Variants in OR51B5 observed in about 807,000 individuals in gnomAD.
The protein encoded by OR51B5 is olfactory receptor family 51 subfamily B member 5, also known as olfactory receptor 51B5.
For missense variants in OR51B5, 456 were observed against 374.6 expected (o/e 1.22, Z -1.79); for synonymous variants, 186 against 144.8 (o/e 1.28, Z -2.04).
At chr11:5,390,025 G>A in intron 1 of OR51B5, 1 of 1,613,538 alleles carries the variant, frequency 6.2e-7, no homozygotes, top group Non-Finnish European at 8.5e-7. Context: ...TCAATAATCT[G>A]TATGGACTGA....
In OR51B5 at chr11:5,342,970, G is replaced by A. The variant is rs775172979; in HGVS notation, c.555C>T (p.Leu185=). The change falls in exon 1 of 1, where the codon CTC becomes CTT. Residue 185 remains leucine (L), a synonymous_variant. Coordinates refer to ENST00000300773, the Ensembl canonical transcript of OR51B5. Reference sequence around the variant, plus strand: ...GGTTGAAGGTGGTATCAGCACAGGCGAGTTTAATGACATCCTGGTGAAGGC... The same window carrying A: ...GGTTGAAGGTGGTATCAGCACAGGCAAGTTTAATGACATCCTGGTGAAGGC... 45 of 1,613,372 alleles carry A rather than the reference G, an allele frequency of 2.8e-5. No homozygotes were observed. The South Asian group carries it at 3.4e-4, about 12-fold the overall frequency.
intron 1 of OR51B5, among the ~76,000 whole-genome samples, chr11:5,414,400 T>A (rs914652024): frequency 6.8e-6 from 1 of 147,098 alleles, no homozygotes; most frequent in South Asian, 2.3e-4. Context: ...CCAGCTAACA[T>A]CATAATGACA....
At chr11:5,382,043 C>A (rs1289868119) in intron 1 of OR51B5, among the ~76,000 whole-genome samples, 1 of 152,160 alleles carries the variant, frequency 6.6e-6, no homozygotes, top group South Asian at 2.1e-4. Context: ...ATATTGTTAA[C>A]AATGTACTCT....
intron 1 of OR51B5, among the ~76,000 whole-genome samples, chr11:5,497,174 G>A (rs1470015532): frequency 6.6e-6 from 1 of 152,180 alleles, no homozygotes; most frequent in Non-Finnish European, 1.5e-5. Context: ...TGGTAAATGC[G>A]TTGAGTACTT....
chr11:5,482,109 T>C, intron 1 of OR51B5, among the ~76,000 whole-genome samples: 1 of 118,934 alleles, frequency 8.4e-6, no homozygotes, highest in Non-Finnish European at 1.7e-5. Flanking sequence ...CAAACTATAC[T>C]ACAAGGCTAC....
intron 1 of OR51B5, among the ~76,000 whole-genome samples, chr11:5,419,956 G>T (rs779306400): frequency 6.6e-6 from 1 of 150,940 alleles, no homozygotes; most frequent in Non-Finnish European, 1.5e-5. Flanking sequence ...TAGAGCTTAT[G>T]TTTCTATTTA....
intron 1 of OR51B5, chr11:5,440,964 G>A (rs1443676010): frequency 1.2e-6 from 2 of 1,613,836 alleles, no homozygotes; most frequent in Non-Finnish European, 1.7e-6. Flanking sequence ...CATGAGATCT[G>A]GATGGAGACA....
At chr11:5,390,449 T>G (rs1849779140) in intron 1 of OR51B5, 3 of 1,324,502 alleles carry the variant, frequency 2.3e-6, no homozygotes, top group Non-Finnish European at 3.1e-6. Flanking sequence ...TTTGGAGTAT[T>G]GAGTATATAG....
At chr11:5,505,441 A>C in intron 1 of OR51B5, 2 of 1,304,004 alleles carry the variant, frequency 1.5e-6, no homozygotes, top group Non-Finnish European at 2.0e-6. Context: ...TAATCTGGAC[A>C]AAAACTATCC....
At chr11:5,471,291 G>C (rs888597419) in intron 1 of OR51B5, among the ~76,000 whole-genome samples, 2 of 152,130 alleles carry the variant, frequency 1.3e-5, no homozygotes, top group African/African-American at 4.8e-5. Context: ...AGGGCATAGA[G>C]AGCCCTAGAC....
intron 1 of OR51B5, among the ~76,000 whole-genome samples, chr11:5,349,685 G>A (rs955352636): frequency 6.6e-5 from 10 of 152,044 alleles, no homozygotes; most frequent in Admixed American, 1.3e-4. Flanking sequence ...TTGCCATACT[G>A]CTTCTTTAAT....
chr11:5,365,807 A>T (rs1324509867), intron 1 of OR51B5, among the ~76,000 whole-genome samples: 1 of 152,242 alleles, frequency 6.6e-6, no homozygotes, highest in Non-Finnish European at 1.5e-5. Context: ...ATTGTCTAGC[A>T]CATTATAGAT....
At chr11:5,501,834 G>A (rs990496670) in intron 1 of OR51B5, among the ~76,000 whole-genome samples, 41 of 147,718 alleles carry the variant, frequency 2.8e-4, no homozygotes, top group African/African-American at 9.5e-4. Context: ...TGTTACATAG[G>A]TATACATGTT....
At position 5,377,419 on chromosome 11, in the gene OR51B5, C is replaced by T. The variant is rs534791067; in HGVS notation, n.85-30509G>A. On this transcript the variant is annotated intron_variant and non_coding_transcript_variant, in intron 1 of 4. Coordinates refer to the OR51B5 transcript ENST00000415970. ...CTGGCACAAGACAGGGATGCCCTCT[C>T]TCACTACTCCTATTCAACATAGTGT... is the stretch of plus-strand genomic sequence containing the variant. 1.3e-3 allele frequency among the ~76,000 whole-genome samples: 205 copies of T among 152,318 alleles called. 1 individual carries two copies. The highest frequency in any genetic ancestry group is 4.7e-3 in the African/African-American group (194 of 41,554).
upstream of OR51B5, chr11:5,346,867 G>C (rs1849000306): frequency 6.6e-6 from 1 of 152,112 alleles, no homozygotes; most frequent in Non-Finnish European, 1.5e-5. Context: ...CAGGGTTCTT[G>C]TGTCTTACCT....
At chr11:5,418,877 T>TTAA (rs1554889686) in intron 1 of OR51B5, among the ~76,000 whole-genome samples, 3 of 133,636 alleles carry the variant, frequency 2.2e-5, no homozygotes, top group African/African-American at 8.3e-5. Context: ...TGAAGTATTA[T>TTAA]AAAAAAAAAA....
At chr11:5,417,516 A>T (rs4910790) in intron 1 of OR51B5, among the ~76,000 whole-genome samples, 3 of 148,942 alleles carry the variant, frequency 2.0e-5, no homozygotes, top group South Asian at 2.1e-4. Context: ...GAAAATTTTC[A>T]CAACCTACTC....
intron 1 of OR51B5, among the ~76,000 whole-genome samples, chr11:5,479,343 A>C (rs947558335): frequency 2.0e-5 from 3 of 151,584 alleles, no homozygotes; most frequent in South Asian, 2.1e-4. Context: ...GTCTGCCCTA[A>C]AAGAGCTCCT....
chr11:5,499,775 C>A (rs2133819860), intron 1 of OR51B5, among the ~76,000 whole-genome samples: 2 of 152,292 alleles, frequency 1.3e-5, no homozygotes, highest in Non-Finnish European at 2.9e-5. Flanking sequence ...AATCTCTTCC[C>A]TGGACTTCTG....
Sources: gnomAD v4.1 joint callset for allele counts (sites outside exome capture counted in the v4.1 genomes callset) on GRCh38, gnomAD v4.1.1 for gene constraint, MANE v1.5 for transcripts, NCBI Gene and HGNC (gene_info 2026-07-23, HGNC 2026-07-21) for gene names.